Variants in MGAT4C observed in about 807,000 individuals in gnomAD.
MGAT4C encodes the protein MGAT4 family member C, also known as alpha-1,3-mannosyl-glycoprotein 4-beta-N-acetylglucosaminyltransferase C.
Under a neutral mutation model 40.1 loss-of-function variants are expected in MGAT4C, and 19 were observed. That is an observed-to-expected ratio of 0.47 (90% confidence interval 0.33 to 0.70). The LOEUF is 0.70. MGAT4C is among the 30% of genes least tolerant of loss of function. MGAT4C has a pLI of 0.02. For synonymous variants in MGAT4C, 181 were observed against 187.1 expected, an observed-to-expected ratio of 0.97 and a Z score of 0.27; for missense variants, 491 against 563.2, an observed-to-expected ratio of 0.87 and a Z score of 1.30.
chr12:86,065,201 A>C (rs1017412655), intron 1 of MGAT4C, among the ~76,000 whole-genome samples: 5 of 152,202 alleles, frequency 3.3e-5, no homozygotes, highest in Non-Finnish European at 7.3e-5. Flanking sequence ...CTCCTCCCTA[A>C]CTCATTTTAT....
intron 2 of MGAT4C, among the ~76,000 whole-genome samples, chr12:86,046,548 G>A (rs923505801): frequency 6.6e-6 from 1 of 152,092 alleles, no homozygotes; most frequent in Non-Finnish European, 1.5e-5. Context: ...GATGAGTCAA[G>A]TCCAGCCCAG....
At chr12:86,537,847 GAGGCCA>G (rs776189145) in intron 2 of MGAT4C, among the ~76,000 whole-genome samples, 2 of 152,202 alleles carry the variant, frequency 1.3e-5, no homozygotes, top group Non-Finnish European at 2.9e-5. Context: ...AACACTTTGG[GAGGCCA>G]AGGTGGGTGG....
intron 2 of MGAT4C, among the ~76,000 whole-genome samples, chr12:86,589,062 C>G (rs535703172): frequency 1.2e-4 from 18 of 150,778 alleles, no homozygotes; most frequent in South Asian, 8.5e-4. Context: ...CAGAGCAGAA[C>G]TGAAGGAAAT....
intron 1 of MGAT4C, among the ~76,000 whole-genome samples, chr12:86,102,715 T>C (rs1414971666): frequency 6.6e-6 from 1 of 152,118 alleles, no homozygotes. Flanking sequence ...CTAATATAAT[T>C]ATTCTTAGTA....
At chr12:86,689,806 A>G (rs556867685) in intron 2 of MGAT4C, among the ~76,000 whole-genome samples, 98 of 152,250 alleles carry the variant, frequency 6.4e-4, no homozygotes, top group Non-Finnish European at 1.3e-3. Flanking sequence ...GACCCACTTG[A>G]GCAGGCAGTC....
intron 1 of MGAT4C, among the ~76,000 whole-genome samples, chr12:86,783,482 C>T (rs1951880086): frequency 6.6e-6 from 1 of 150,708 alleles, no homozygotes; most frequent in African/African-American, 2.4e-5. Flanking sequence ...AGAAAATGAC[C>T]ACAATTACAA....
intron 2 of MGAT4C, among the ~76,000 whole-genome samples, chr12:86,661,843 G>A (rs562459344): frequency 3.9e-5 from 6 of 152,230 alleles, no homozygotes; most frequent in East Asian, 1.9e-4. Context: ...GGAGGCTGAG[G>A]CATGAGAATT....
chr12:86,293,796 G>C (rs982200173), intron 4 of MGAT4C, among the ~76,000 whole-genome samples: 7 of 152,126 alleles, frequency 4.6e-5, no homozygotes, highest in African/African-American at 1.7e-4. Flanking sequence ...TTTTATAAGT[G>C]TTTGGAAGTT....
chr12:86,558,573 A>T (rs554797648), intron 2 of MGAT4C, among the ~76,000 whole-genome samples: 1 of 152,206 alleles, frequency 6.6e-6, no homozygotes, highest in Non-Finnish European at 1.5e-5. Context: ...AATCAAGAAG[A>T]AATAAAATTT....
intron 3 of MGAT4C, among the ~76,000 whole-genome samples, chr12:86,425,817 T>C (rs1317385317): frequency 6.6e-6 from 1 of 152,194 alleles, no homozygotes; most frequent in Non-Finnish European, 1.5e-5. Flanking sequence ...CCAAGATGAA[T>C]GAATGGGTAT....
At chr12:86,227,621 G>T (rs1951144217) in intron 1 of MGAT4C, among the ~76,000 whole-genome samples, 3 of 151,770 alleles carry the variant, frequency 2.0e-5, no homozygotes, top group South Asian at 4.1e-4. Flanking sequence ...ATAATATATT[G>T]CCCTAATTGC....
At chr12:86,295,295 C>G (rs1332772966) in intron 4 of MGAT4C, among the ~76,000 whole-genome samples, 1 of 152,066 alleles carries the variant, frequency 6.6e-6, no homozygotes, top group Non-Finnish European at 1.5e-5. Context: ...TTATTTTGCA[C>G]TATTTGATAA....
intron 4 of MGAT4C, among the ~76,000 whole-genome samples, chr12:86,270,344 G>A (rs765380053): frequency 1.3e-5 from 2 of 152,066 alleles, no homozygotes; most frequent in Admixed American, 6.6e-5. Context: ...GCCTCCCAAA[G>A]TGCTGGGATT....
chr12:86,185,230 TTACTC>T (rs995346273), intron 1 of MGAT4C, among the ~76,000 whole-genome samples: 1 of 152,210 alleles, frequency 6.6e-6, no homozygotes, highest in Non-Finnish European at 1.5e-5. Flanking sequence ...TTGCTTGTCT[TTACTC>T]TGTGTAGGTA....
intron 1 of MGAT4C, among the ~76,000 whole-genome samples, chr12:86,748,218 T>G (rs551963611): frequency 1.3e-5 from 2 of 151,568 alleles, no homozygotes; most frequent in Non-Finnish European, 3.0e-5. Flanking sequence ...CACACTAATC[T>G]AGTCATTAGG....
chr12:86,745,065 G>A (rs1194463026), intron 1 of MGAT4C: 1 of 151,562 alleles, frequency 6.6e-6, no homozygotes, highest in Non-Finnish European at 1.5e-5. Flanking sequence ...TGGAGAAATA[G>A]TAAGGCTGTT....
intron 3 of MGAT4C, among the ~76,000 whole-genome samples, chr12:86,383,800 G>A (rs1170552946): frequency 1.3e-5 from 2 of 152,104 alleles, no homozygotes; most frequent in African/African-American, 4.8e-5. Context: ...TTAAGTTAAT[G>A]CTGAAATGAG....
chr12:86,105,757 G>A (rs142696593), intron 1 of MGAT4C, among the ~76,000 whole-genome samples: 10 of 152,184 alleles, frequency 6.6e-5, no homozygotes, highest in South Asian at 4.1e-4. Flanking sequence ...GCCATATAAA[G>A]TAATATATTT....
chr12:86,136,225 T>C (rs565960910), intron 1 of MGAT4C, among the ~76,000 whole-genome samples: 106 of 152,226 alleles, frequency 7.0e-4, no homozygotes, highest in African/African-American at 2.5e-3. Flanking sequence ...TTCTAAGAAG[T>C]GTTCTAAAAA....
Sources: allele counts gnomAD v4.1 joint callset (sites outside exome capture counted in the v4.1 genomes callset), GRCh38; gene constraint gnomAD v4.1.1; transcripts MANE v1.5; gene names NCBI Gene and HGNC (gene_info 2026-07-23, HGNC 2026-07-21).